Variants in ZBBX observed in about 807,000 individuals in gnomAD.
The protein encoded by ZBBX is zinc finger B-box domain-containing protein 1.
A neutral mutation model predicts 108.5 loss-of-function variants in ZBBX; 101 were observed. The observed-to-expected ratio is 0.93, with a 90% CI of 0.79 to 1.10. The LOEUF is 1.10. ZBBX is among the 50% of genes least tolerant of loss of function. The pLI is 0.00. For synonymous variants in ZBBX, 356 were observed against 323.4 expected, an observed-to-expected ratio of 1.10 and a Z score of -1.08; for missense variants, 1,009 against 941.4, an observed-to-expected ratio of 1.07 and a Z score of -0.94.
chr3:167,222,053 G>A, the ZBBX span, among the ~76,000 whole-genome samples: 1 of 151,780 alleles, frequency 6.6e-6, no homozygotes, highest in East Asian at 1.9e-4. Context: ...CCACTGCTGG[G>A]TATATACCTA....
chr3:167,206,555 G>A, the ZBBX span, among the ~76,000 whole-genome samples: 1 of 151,854 alleles, frequency 6.6e-6, no homozygotes, highest in Non-Finnish European at 1.5e-5. Flanking sequence ...TATTAATACT[G>A]TTAAAATCCC....
At chr3:167,380,971 G>A (rs1463834435), upstream of ZBBX, among the ~76,000 whole-genome samples, 2 of 150,398 alleles carry the variant, frequency 1.3e-5, no homozygotes, top group Non-Finnish European at 3.0e-5. Flanking sequence ...ATTTATCTTT[G>A]GCTTCCTAAA....
intron 4 of ZBBX, among the ~76,000 whole-genome samples, 198 bp downstream of exon 4, chr3:167,372,636 A>G (rs1427528488): frequency 6.6e-6 from 1 of 152,152 alleles, no homozygotes; most frequent in African/African-American, 2.4e-5. Flanking sequence ...AACTTGTCAC[A>G]TTGGTTCTTG....
At position 167,315,744 on chromosome 3, in the gene ZBBX, T is replaced by C; in HGVS notation, c.1274+6A>G. The C allele has an allele frequency of 6.2e-7, 1 of 1,602,202 alleles. No homozygotes were observed. The highest frequency in any genetic ancestry group is 8.5e-7 in the Non-Finnish European group (1 of 1,172,820). On this transcript the variant is annotated splice_donor_region_variant and intron_variant, in intron 15 of 21. Transcript: ENST00000675490. ...ATGCACACAAAGTTAATTAGAAAGG[T>C]TTTACCTTCGTTGACTGTCTGCATC...
At chr3:167,361,893 G>T (rs1196313921) in intron 6 of ZBBX, among the ~76,000 whole-genome samples, 3 of 152,120 alleles carry the variant, frequency 2.0e-5, no homozygotes, top group Non-Finnish European at 4.4e-5. Context: ...CAAGCAAAAT[G>T]AACCCATTAT....
chr3:167,332,290 A>AAAC lies in ZBBX; in HGVS notation c.687+1536_687+1537insGTT, dbSNP rs1553821769. ...AGTTAAACACACACACACACACACA[A>AAAC]ACACACACACACACACGTCTGAACC... On this transcript the variant is annotated intron_variant, in intron 10 of 21. Transcript: ENST00000675490. Among the ~76,000 whole-genome samples, 1,019 of 148,856 alleles carry AAAC rather than the reference A, an allele frequency of 6.8e-3. 12 individuals are homozygous for AAAC. Among genetic ancestry groups the AAAC allele is most frequent in the African/African-American group, 0.023 (950 of 40,784 alleles).
At chr3:167,261,265 T>C (rs1028334042) in intron 20 of ZBBX, among the ~76,000 whole-genome samples, 2 of 152,012 alleles carry the variant, frequency 1.3e-5, no homozygotes, top group Admixed American at 1.3e-4. Flanking sequence ...GTGAGGTTCT[T>C]AGCTTTGGTG....
the ZBBX span, among the ~76,000 whole-genome samples, chr3:167,216,217 T>G: frequency 6.6e-6 from 1 of 152,000 alleles, no homozygotes; most frequent in African/African-American, 2.4e-5. Flanking sequence ...TTCTTCTATA[T>G]CTAGAAAACC....
chr3:167,350,424 A>C lies in ZBBX; in HGVS notation c.524T>G (p.Leu175Trp). The C allele has an allele frequency of 6.3e-7, 1 of 1,590,170 alleles. No homozygotes were observed. The highest frequency in any genetic ancestry group is 8.6e-7 in the Non-Finnish European group (1 of 1,166,008). The change falls in exon 9 of 22, where the codon TTG (leucine) becomes TGG (tryptophan). Residue 175 changes from leucine to tryptophan, a missense_variant. Leu to Trp is a moderately conservative substitution (Grantham distance 61). Coordinates refer to ENST00000675490, the MANE Select transcript of ZBBX (RefSeq NM_001199201.2). ...GALKLHRTTL[L>W]QAKSQILFNV... ...AATCATTTTAGAAAGCCATACCTGC[A>C]AAAGAGTTGTTCTGTGGAGCTTTAG...
rs1553832868 is a variant in ZBBX, at chr3:167,348,354, A to AAGAAAGAAAGAAAGAAAGAAAGAAAG, written c.528+2065_528+2066insCTTTCTTTCTTTCTTTCTTTCTTTCT. The stretch of plus-strand genomic sequence containing the variant: ...AAAGAAAGAAAGAAAGAAAGAAAGA[A>AAGAAAGAAAGAAAGAAAGAAAGAAAG]AGAAAGAAAGAAAGAAAAAAAAGAA... On this transcript the variant is annotated intron_variant, in intron 9 of 21. Transcript: ENST00000675490. Among the ~76,000 whole-genome samples the AAGAAAGAAAGAAAGAAAGAAAGAAAG allele has an allele frequency of 5.6e-4, 39 of 69,658 alleles. 1 individual carries two copies. The highest frequency in any genetic ancestry group is 2.0e-3 in the Admixed American group (12 of 6,016). The allele number at this position is 69,658 out of a possible 152,430, so 45.7% of individuals were successfully genotyped here.
intron 16 of ZBBX, among the ~76,000 whole-genome samples, chr3:167,309,345 G>C (rs1218281023): frequency 6.6e-6 from 1 of 152,192 alleles, no homozygotes; most frequent in Non-Finnish European, 1.5e-5. Context: ...GCACTAGGCA[G>C]TGCCCCAGTG....
chr3:167,392,522 C>G (rs1361367567), intron 1 of ZBBX, among the ~76,000 whole-genome samples: 3 of 151,678 alleles, frequency 2.0e-5, no homozygotes, highest in Non-Finnish European at 4.4e-5. Context: ...GCATTTCCAC[C>G]AGCTATGTAT....
chr3:167,375,498 A>C (rs915573486), intron 2 of ZBBX, among the ~76,000 whole-genome samples: 3 of 152,058 alleles, frequency 2.0e-5, no homozygotes, highest in Non-Finnish European at 4.4e-5. Context: ...AGGCTGAGGC[A>C]CGAGAATCGC....
chr3:167,300,673 G>T (rs1158184620), intron 17 of ZBBX, among the ~76,000 whole-genome samples: 4 of 147,770 alleles, frequency 2.7e-5, no homozygotes, highest in Admixed American at 1.4e-4. Context: ...GCAATGGCGC[G>T]ACCTCAGCTC....
At chr3:167,267,645 G>A (rs1725783152) in intron 20 of ZBBX, among the ~76,000 whole-genome samples, 1 of 152,146 alleles carries the variant, frequency 6.6e-6, no homozygotes, top group South Asian at 2.1e-4. Context: ...GGTCAAATGA[G>A]GATGTAATGT....
the ZBBX span, among the ~76,000 whole-genome samples, chr3:167,183,005 C>G: frequency 6.6e-6 from 1 of 152,122 alleles, no homozygotes; most frequent in Admixed American, 6.5e-5. Flanking sequence ...CTAGGCGCTG[C>G]CCAAACAGTC....
chr3:167,188,762 A>G, the ZBBX span, among the ~76,000 whole-genome samples: 4 of 152,244 alleles, frequency 2.6e-5, no homozygotes, highest in African/African-American at 9.6e-5. Flanking sequence ...TGAATAAGCA[A>G]GTCTGATTCT....
intron 10 of ZBBX, among the ~76,000 whole-genome samples, chr3:167,329,219 ATT>A (rs1737958231): frequency 1.3e-5 from 2 of 152,236 alleles, no homozygotes; most frequent in Admixed American, 1.3e-4. Flanking sequence ...GAACAGCCAC[ATT>A]AGGAAACCCA....
rs1730178270 is a variant in ZBBX, at chr3:167,288,891, A to G, written c.1972T>C (p.Ser658Pro). Residue 658 changes from serine (S) to proline (P), a missense_variant, in exon 19 of 22, where the codon TCA (serine) becomes CCA (proline). Ser to Pro is a moderately conservative substitution (Grantham distance 74). Coordinates refer to ENST00000675490, the MANE Select transcript of ZBBX (RefSeq NM_001199201.2). ...GVLQGAQSPS[S>P]SRKQQKMGQK... ...CCCATCTTTTGCTGTTTTCTACTTGATGATGGACTCTGAGCACCCTGCAGA... is the reference window on the plus strand; with the variant it reads ...CCCATCTTTTGCTGTTTTCTACTTGGTGATGGACTCTGAGCACCCTGCAGA... 4 of 1,535,996 alleles carry G rather than the reference A, an allele frequency of 2.6e-6. No individual in the cohort carries two copies. The highest frequency in any genetic ancestry group is 3.5e-6 in the Non-Finnish European group (4 of 1,137,364).
Sources: gnomAD v4.1 joint callset for allele counts (sites outside exome capture counted in the v4.1 genomes callset) on GRCh38, gnomAD v4.1.1 for gene constraint, MANE v1.5 for transcripts, NCBI Gene and HGNC (gene_info 2026-07-23, HGNC 2026-07-21) for gene names.